SAMD5: variants seen among roughly 807,000 people sequenced by gnomAD.
SAMD5 encodes the protein sterile alpha motif domain-containing protein 5.
A neutral mutation model predicts 11.3 loss-of-function variants in SAMD5; 13 were observed. That is an observed-to-expected ratio of 1.15 (90% CI 0.75 to 1.83). The LOEUF (loss-of-function observed/expected upper bound fraction) is 1.83. SAMD5 is among the 40% of genes most tolerant of loss of function. The pLI, the probability that SAMD5 is intolerant of heterozygous loss-of-function variation, is 0.00. For missense variants in SAMD5, 255 were observed against 239.1 expected (o/e 1.07, Z -0.44); for synonymous variants, 129 against 111.3 (o/e 1.16, Z -1.00).
At chr6:147,937,349 GTCA>G in the SAMD5 span, among the ~76,000 whole-genome samples, 1 of 152,162 alleles carries the variant, frequency 6.6e-6, no homozygotes, top group Non-Finnish European at 1.5e-5. Flanking sequence ...GCATGCTTAT[GTCA>G]TCTGTAACAG....
intron 1 of SAMD5, among the ~76,000 whole-genome samples, chr6:147,700,567 C>T (rs1268611453): frequency 1.4e-5 from 2 of 144,400 alleles, no homozygotes; most frequent in African/African-American, 2.4e-5. Context: ...CTGCATTTGC[C>T]TCTGTATCTC....
intron 1 of SAMD5, among the ~76,000 whole-genome samples, chr6:147,626,547 T>C (rs1368715487): frequency 6.6e-6 from 1 of 151,948 alleles, no homozygotes; most frequent in Non-Finnish European, 1.5e-5. Context: ...CTGTATAGTC[T>C]TGAAACATTA....
the SAMD5 span, among the ~76,000 whole-genome samples, chr6:147,823,831 T>TA: frequency 1.3e-5 from 2 of 152,220 alleles, no homozygotes; most frequent in Non-Finnish European, 2.9e-5. Flanking sequence ...AACATTAACT[T>TA]ACATTTATAT....
At chr6:147,904,891 CT>C in the SAMD5 span, among the ~76,000 whole-genome samples, 79,131 of 139,086 alleles carry the variant, frequency 0.57, 21,851 homozygotes, top group African/African-American at 0.69. Context: ...GACTTTATGC[CT>C]TTTTTTTTTT....
chr6:147,763,372 C>T, the SAMD5 span, among the ~76,000 whole-genome samples: 1 of 151,814 alleles, frequency 6.6e-6, no homozygotes, highest in Non-Finnish European at 1.5e-5. Flanking sequence ...CCATGTTGGC[C>T]GGGCTGGTCT....
At chr6:147,604,594 T>C (rs1030314606) in intron 1 of SAMD5, among the ~76,000 whole-genome samples, 1 of 152,224 alleles carries the variant, frequency 6.6e-6, no homozygotes, top group Non-Finnish European at 1.5e-5. Context: ...AGAATGCAAC[T>C]AGTTTTGGCT....
At chr6:147,915,356 G>A in the SAMD5 span, among the ~76,000 whole-genome samples, 3 of 152,176 alleles carry the variant, frequency 2.0e-5, no homozygotes, top group African/African-American at 7.2e-5. Context: ...TCAACGTTAG[G>A]TGGACTTTGT....
chr6:147,908,736 C>T, the SAMD5 span, among the ~76,000 whole-genome samples: 1 of 152,158 alleles, frequency 6.6e-6, no homozygotes, highest in Non-Finnish European at 1.5e-5. Flanking sequence ...GGAAAGAGAT[C>T]GTTGTCAGGA....
the SAMD5 span, among the ~76,000 whole-genome samples, chr6:147,913,463 A>T: frequency 2.6e-5 from 4 of 152,186 alleles, no homozygotes; most frequent in Non-Finnish European, 5.9e-5. Flanking sequence ...CAGGAGGCTG[A>T]GGTGGGTGGA....
the SAMD5 span, among the ~76,000 whole-genome samples, chr6:147,782,988 T>C: frequency 1.3e-5 from 2 of 152,238 alleles, no homozygotes; most frequent in Non-Finnish European, 2.9e-5. Flanking sequence ...CTTAATCATA[T>C]ACTAAAATAA....
the SAMD5 span, among the ~76,000 whole-genome samples, chr6:147,819,179 G>A: frequency 6.6e-6 from 1 of 152,202 alleles, no homozygotes; most frequent in Non-Finnish European, 1.5e-5. Flanking sequence ...CCTTCTCAGG[G>A]ACATGGATGG....
At chr6:147,943,889 A>G in the SAMD5 span, among the ~76,000 whole-genome samples, 65 of 152,200 alleles carry the variant, frequency 4.3e-4, 2 homozygotes, top group South Asian at 2.1e-4. Context: ...CTCAGTGCAC[A>G]TAATTCTCCT....
chr6:147,651,965 C>T (rs1332028803), intron 1 of SAMD5, among the ~76,000 whole-genome samples: 1 of 152,204 alleles, frequency 6.6e-6, no homozygotes, highest in Non-Finnish European at 1.5e-5. Flanking sequence ...CACCAACCCC[C>T]GCATTCAGCC....
intron 1 of SAMD5, among the ~76,000 whole-genome samples, chr6:147,734,719 A>AAAAAAAAAAAAC (rs1791769289): frequency 8.0e-6 from 1 of 124,542 alleles, no homozygotes; most frequent in East Asian, 2.3e-4. Context: ...TCTAAAAAAA[A>AAAAAAAAAAAAC]AAAAAAAAAA....
chr6:147,848,526 A>C, the SAMD5 span, among the ~76,000 whole-genome samples: 1 of 152,206 alleles, frequency 6.6e-6, no homozygotes, highest in Non-Finnish European at 1.5e-5. Context: ...TCAATTTAAA[A>C]ATGAAGAGAC....
At chr6:147,588,981 G>A (rs903873063) in intron 1 of SAMD5, among the ~76,000 whole-genome samples, 1 of 151,910 alleles carries the variant, frequency 6.6e-6, no homozygotes, top group Non-Finnish European at 1.5e-5. Flanking sequence ...ATTATGAGAT[G>A]AGGTCTCGCT....
the SAMD5 span, among the ~76,000 whole-genome samples, chr6:147,789,427 T>A: frequency 6.6e-6 from 1 of 152,120 alleles, no homozygotes; most frequent in Non-Finnish European, 1.5e-5. Context: ...CAGAGATATA[T>A]TTTTTTAATT....
At chr6:147,892,495 G>C in the SAMD5 span, among the ~76,000 whole-genome samples, 2 of 152,136 alleles carry the variant, frequency 1.3e-5, no homozygotes, top group African/African-American at 4.8e-5. Context: ...AATTCTGTCT[G>C]TACTGACAAA....
chr6:147,647,181 C>A (rs1231517646), intron 1 of SAMD5, among the ~76,000 whole-genome samples: 3 of 151,774 alleles, frequency 2.0e-5, no homozygotes, highest in Admixed American at 6.6e-5. Flanking sequence ...AAAAGAAAAT[C>A]ATAAAGAATA....
Sources: gnomAD v4.1 joint callset for allele counts (sites outside exome capture counted in the v4.1 genomes callset) on GRCh38, gnomAD v4.1.1 for gene constraint, MANE v1.5 for transcripts, NCBI Gene and HGNC (gene_info 2026-07-23, HGNC 2026-07-21) for gene names.